The following LRRC37A2 variants were observed in gnomAD, a reference collection of about 807,000 sequenced individuals.
LRRC37A2 encodes leucine-rich repeat-containing protein 37A2.
A neutral mutation model predicts 68.8 loss-of-function variants in LRRC37A2; 9 were observed. The observed-to-expected ratio is 0.13, with a 90% CI of 0.08 to 0.23. The LOEUF is 0.23. Among genes scored for constraint, LRRC37A2 ranks in the 10% least tolerant of loss-of-function variants. The probability of loss-of-function intolerance (pLI) is 1.00; values close to 1 mark genes in which losing one functional copy is unlikely to be tolerated. For synonymous variants in LRRC37A2, 63 were observed against 367.6 expected, an observed-to-expected ratio of 0.17 and a Z score of 9.48; for missense variants, 168 against 950.4, an observed-to-expected ratio of 0.18 and a Z score of 10.82.
At chr17:46,829,765 A>C in the LRRC37A2 span, among the ~76,000 whole-genome samples, 1 of 101,042 alleles carries the variant, frequency 9.9e-6, no homozygotes, top group Non-Finnish European at 2.0e-5. Context: ...TTGGGATGGG[A>C]GTAGGGGGTG....
At chr17:46,919,495 T>C in the LRRC37A2 span, among the ~76,000 whole-genome samples, 1 of 152,170 alleles carries the variant, frequency 6.6e-6, no homozygotes, top group Non-Finnish European at 1.5e-5. Flanking sequence ...ATCTGCCTTA[T>C]CCACCTCCCA....
chr17:47,027,802 T>C, the LRRC37A2 span, among the ~76,000 whole-genome samples: 1 of 152,256 alleles, frequency 6.6e-6, no homozygotes, highest in Non-Finnish European at 1.5e-5. Context: ...TACACAGATC[T>C]TAGTGAATCA....
the LRRC37A2 span, among the ~76,000 whole-genome samples, chr17:46,776,626 C>T: frequency 6.6e-6 from 1 of 152,130 alleles, no homozygotes; most frequent in Non-Finnish European, 1.5e-5. Flanking sequence ...CATCTCCAGC[C>T]CAGCCCTGCT....
At chr17:46,802,583 G>T in the LRRC37A2 span, among the ~76,000 whole-genome samples, 98 of 152,198 alleles carry the variant, frequency 6.4e-4, no homozygotes, top group African/African-American at 2.3e-3. Context: ...TAGAGGGTTG[G>T]ACTCCCAACC....
chr17:46,822,238 G>A, the LRRC37A2 span, among the ~76,000 whole-genome samples: 14 of 151,880 alleles, frequency 9.2e-5, no homozygotes, highest in Non-Finnish European at 1.8e-4. Flanking sequence ...GGTTTTAGGC[G>A]AGCTCCCTAG....
the LRRC37A2 span, among the ~76,000 whole-genome samples, chr17:46,892,135 T>G: frequency 6.6e-6 from 1 of 151,982 alleles, no homozygotes; most frequent in Non-Finnish European, 1.5e-5. Context: ...GCCAGACTGG[T>G]CTCGAACTCC....
chr17:46,969,198 C>T, the LRRC37A2 span, among the ~76,000 whole-genome samples: 1 of 152,346 alleles, frequency 6.6e-6, no homozygotes, highest in Non-Finnish European at 1.5e-5. Flanking sequence ...CCCAGGTTTC[C>T]AGAGCCTTCT....
chr17:46,548,899 GGC>G lies in LRRC37A2; in HGVS notation c.3765_3766del (p.Pro1256PhefsTer32). The G allele has an allele frequency of 6.2e-7, 1 of 1,612,628 alleles. No homozygotes were observed. The highest frequency in any genetic ancestry group is 8.5e-7 in the Non-Finnish European group (1 of 1,179,874). On this transcript the variant is annotated frameshift_variant, in exon 10 of 15. Transcript: ENST00000576629. LOFTEE classifies it high-confidence loss of function. The stretch of plus-strand genomic sequence containing the variant: ...CTCTGTGCTGAAACCCTTCTCCAAG[GGC>G]GCGCCTTCTACCTCCAGCCCTGCAA...
At chr17:46,951,897 C>A in the LRRC37A2 span, among the ~76,000 whole-genome samples, 2 of 152,156 alleles carry the variant, frequency 1.3e-5, no homozygotes, top group Non-Finnish European at 2.9e-5. Flanking sequence ...TTCTCCCCCC[C>A]AGACATCACC....
the LRRC37A2 span, among the ~76,000 whole-genome samples, chr17:46,897,254 G>A: frequency 2.0e-4 from 30 of 152,268 alleles, no homozygotes; most frequent in East Asian, 4.1e-3. Flanking sequence ...TGGAACTGTG[G>A]AGCCTCCATC....
chr17:46,573,043 G>A, the LRRC37A2 span, among the ~76,000 whole-genome samples: 1 of 116,252 alleles, frequency 8.6e-6, no homozygotes, highest in African/African-American at 3.4e-5. Flanking sequence ...AAGGAAAGAT[G>A]TCCCCTTAGC....
chr17:46,392,213 CTTT>C, the LRRC37A2 span, among the ~76,000 whole-genome samples: 4 of 59,412 alleles, frequency 6.7e-5, no homozygotes, highest in Non-Finnish European at 1.1e-4. Context: ...TTTCTTTTTT[CTTT>C]TTTTTTTTTT....
the LRRC37A2 span, among the ~76,000 whole-genome samples, chr17:46,496,428 A>G: frequency 6.7e-6 from 1 of 148,984 alleles, no homozygotes; most frequent in South Asian, 2.1e-4. Flanking sequence ...ACATGGCGAA[A>G]CCCCATCTCT....
the LRRC37A2 span, chr17:46,942,071 A>T: frequency 4.3e-6 from 2 of 464,442 alleles, no homozygotes; most frequent in Non-Finnish European, 5.6e-6. Flanking sequence ...ACTGAAACAG[A>T]TACAAAGAAG....
chr17:46,774,169 G>A, the LRRC37A2 span, among the ~76,000 whole-genome samples: 1 of 152,270 alleles, frequency 6.6e-6, no homozygotes, highest in South Asian at 2.1e-4. Context: ...GGCCCTTGGG[G>A]GCAATGCAAA....
chr17:46,815,524 G>A, the LRRC37A2 span, among the ~76,000 whole-genome samples: 1 of 152,132 alleles, frequency 6.6e-6, no homozygotes, highest in Admixed American at 6.5e-5. Context: ...GATGCTCAAA[G>A]TACTGGAATC....
At chr17:46,976,964 T>C in the LRRC37A2 span, among the ~76,000 whole-genome samples, 9 of 152,026 alleles carry the variant, frequency 5.9e-5, no homozygotes, top group Non-Finnish European at 7.4e-5. Context: ...TTACAAGGAG[T>C]GTCAGTTCCT....
chr17:46,900,198 T>A, the LRRC37A2 span, among the ~76,000 whole-genome samples: 1 of 92,096 alleles, frequency 1.1e-5, no homozygotes. Flanking sequence ...TATATATATA[T>A]ATATACACAC....
the LRRC37A2 span, chr17:46,763,716 G>A: frequency 6.6e-6 from 1 of 151,944 alleles, no homozygotes; most frequent in Non-Finnish European, 1.5e-5. Context: ...AGGTGAGCAG[G>A]GCTGGGAAGG....
Sources: allele counts gnomAD v4.1 joint callset (sites outside exome capture counted in the v4.1 genomes callset), GRCh38; gene constraint gnomAD v4.1.1; transcripts MANE v1.5; gene names NCBI Gene and HGNC (gene_info 2026-07-23, HGNC 2026-07-21).